The following PRKX variants were observed in gnomAD, a reference collection of about 807,000 sequenced individuals.
PRKX encodes the protein protein kinase cAMP-dependent X-linked catalytic subunit, also known as cAMP-dependent protein kinase catalytic subunit PRKX.
Under a neutral mutation model 22.0 loss-of-function variants are expected in PRKX, and 12 were observed. The observed-to-expected ratio is 0.54, with a 90% CI of 0.35 to 0.88. PRKX has a LOEUF of 0.88. Among genes scored for constraint, PRKX ranks in the 40% least tolerant of loss-of-function variants. The probability of loss-of-function intolerance (pLI) is 0.01; values close to 1 mark genes in which losing one functional copy is unlikely to be tolerated. For synonymous variants in PRKX, 134 were observed against 137.7 expected (o/e 0.97, Z 0.19); for missense variants, 217 against 308.0 (o/e 0.70, Z 2.21).
intron 5 of PRKX, among the ~76,000 whole-genome samples, chrX:3,623,735 T>C (rs943415040): frequency 4.5e-5 from 5 of 111,003 alleles, no homozygotes; most frequent in African/African-American, 1.6e-4. Flanking sequence ...CGGCACTCTT[T>C]TGATGCACTG....
chrX:3,674,967 A>C (rs1927921486), intron 1 of PRKX, among the ~76,000 whole-genome samples: 1 of 111,259 alleles, frequency 9.0e-6, no homozygotes. Context: ...CACTGAATAC[A>C]GAAATTGCAG....
chrX:3,644,262 T>C (rs1385199012), intron 3 of PRKX, among the ~76,000 whole-genome samples: 1 of 97,241 alleles, frequency 1.0e-5, no homozygotes, highest in Non-Finnish European at 2.0e-5. Flanking sequence ...AAAAGCCAGG[T>C]GTGCTGAAGT....
intron 3 of PRKX, among the ~76,000 whole-genome samples, chrX:3,646,911 C>T (rs1173974007): frequency 1.0e-4 from 11 of 110,446 alleles, no homozygotes; most frequent in African/African-American, 9.9e-5. Flanking sequence ...TCACCAACCT[C>T]GGCACAGTAA....
chrX:3,627,748 G>A (rs1926691105), intron 4 of PRKX, among the ~76,000 whole-genome samples: 2 of 111,183 alleles, frequency 1.8e-5, no homozygotes, highest in Admixed American at 1.9e-4. Flanking sequence ...ACCAGCGTGA[G>A]CCACTGTGCC....
At chrX:3,617,230 T>TTTTATA (rs1555969026) in intron 6 of PRKX, among the ~76,000 whole-genome samples, 8 of 108,046 alleles carry the variant, frequency 7.4e-5, no homozygotes, top group Non-Finnish European at 1.3e-4. Context: ...TACACATGTA[T>TTTTATA]TATATATATA....
intron 4 of PRKX, among the ~76,000 whole-genome samples, chrX:3,631,026 G>C (rs1430733177): frequency 8.9e-6 from 1 of 112,073 alleles, no homozygotes; most frequent in East Asian, 2.8e-4. Flanking sequence ...AGCTTCTTTT[G>C]ACTTAAGATA....
At chrX:3,689,775 AG>A (rs1183936039) in intron 1 of PRKX, among the ~76,000 whole-genome samples, 1 of 111,932 alleles carries the variant, frequency 8.9e-6, no homozygotes, top group Non-Finnish European at 1.9e-5. Context: ...CAGGAGATCG[AG>A]ACCATCCTGG....
intron 1 of PRKX, among the ~76,000 whole-genome samples, chrX:3,677,094 A>C (rs561564071): frequency 2.0e-4 from 22 of 111,250 alleles, no homozygotes; most frequent in African/African-American, 6.9e-4. Context: ...GAGAGTAGAG[A>C]GGTAGTTATC....
At chrX:3,648,970 A>G (rs1014641409) in intron 3 of PRKX, among the ~76,000 whole-genome samples, 1 of 111,351 alleles carries the variant, frequency 9.0e-6, no homozygotes, top group African/African-American at 3.3e-5. Context: ...AATAAAAAAC[A>G]CCAAAAACAA....
intron 1 of PRKX, among the ~76,000 whole-genome samples, chrX:3,700,395 T>C (rs1296186419): frequency 8.9e-6 from 1 of 112,022 alleles, no homozygotes; most frequent in Non-Finnish European, 1.9e-5. Flanking sequence ...CAGAATCTAT[T>C]CTCAAAATAA....
chrX:3,664,661 A>C (rs2146590041), intron 2 of PRKX, among the ~76,000 whole-genome samples: 1 of 112,479 alleles, frequency 8.9e-6, no homozygotes, highest in Admixed American at 9.4e-5. Flanking sequence ...GTCTTTTGCA[A>C]CGACAGGGAT....
At chrX:3,700,749 T>TTTGTTGTTGTTGTTGTTG (rs3073363) in intron 1 of PRKX, among the ~76,000 whole-genome samples, 3 of 105,509 alleles carry the variant, frequency 2.8e-5, no homozygotes, top group African/African-American at 1.1e-4. Context: ...CAGCTAATTG[T>TTTGTTGTTGTTGTTGTTG]TTGTTGTTGT....
intron 2 of PRKX, among the ~76,000 whole-genome samples, chrX:3,672,995 G>T (rs1927878166): frequency 1.8e-5 from 2 of 111,446 alleles, no homozygotes; most frequent in African/African-American, 6.5e-5. Flanking sequence ...TGTCAAGAAA[G>T]AAAGAGAAAT....
Position 3,679,961 on chromosome X carries a change from G to A in PRKX, c.167-5195C>T, listed in dbSNP as rs189400054. On this transcript the variant is annotated intron_variant, in intron 1 of 8. Coordinates refer to ENST00000262848, the MANE Select transcript of PRKX (RefSeq NM_005044.5). ...AATTCTGATCTGTAAACATTAATGC[G>A]GGGTGGACTCAGGTCTCCTCTCTCC... 3.0e-3 allele frequency among the ~76,000 whole-genome samples: 330 copies of A among 111,313 alleles called. 2 individuals carry two copies. The highest frequency in any genetic ancestry group is 4.9e-3 in the Non-Finnish European group (262 of 53,037).
intron 1 of PRKX, among the ~76,000 whole-genome samples, chrX:3,705,875 A>G (rs1377591308): frequency 9.4e-6 from 1 of 106,751 alleles, no homozygotes; most frequent in East Asian, 3.0e-4. Context: ...TATTTTTAGT[A>G]GAGACGGGGT....
rs1395251725 is a variant in PRKX at position 3,653,819 on chromosome X, GAT to G, written c.599+1328_599+1329del. Among the ~76,000 whole-genome samples the G allele has an allele frequency of 6.9e-4, 45 of 65,664 alleles. 1 individual carries two copies. Among genetic ancestry groups the G allele is most frequent in the African/African-American group, 2.6e-3 (39 of 15,260 alleles). 57.0% of individuals were successfully genotyped at this position (65,664 alleles called of 115,157 possible). ...ATATAATATATATTATATACTATGT[GAT>G]ATATATATTATATATTATATACTAT... On this transcript the variant is annotated intron_variant, in intron 3 of 8. Transcript: ENST00000262848.
At chrX:3,655,054 G>T in intron 3 of PRKX, 95 bp downstream of exon 3, 1 of 1,108,088 alleles carries the variant, frequency 9.0e-7, no homozygotes, top group Non-Finnish European at 1.2e-6. Context: ...TTAAACTCTG[G>T]TTCCCAATCT....
intron 7 of PRKX, among the ~76,000 whole-genome samples, chrX:3,615,521 C>CT (rs1428667208): frequency 9.0e-6 from 1 of 110,876 alleles, no homozygotes; most frequent in Non-Finnish European, 1.9e-5. Flanking sequence ...GCCAGGTCTC[C>CT]TAAAATCTGC....
At chrX:3,675,548 T>C (rs796657006) in intron 1 of PRKX, among the ~76,000 whole-genome samples, 1 of 110,131 alleles carries the variant, frequency 9.1e-6, no homozygotes, top group African/African-American at 3.3e-5. Flanking sequence ...TTTCCACTTC[T>C]TCCTCCTCCT....
Sources: allele counts gnomAD v4.1 joint callset (sites outside exome capture counted in the v4.1 genomes callset), GRCh38; gene constraint gnomAD v4.1.1; transcripts MANE v1.5; gene names NCBI Gene and HGNC (gene_info 2026-07-23, HGNC 2026-07-21).